Variants in RAPGEF2 observed in about 807,000 individuals in gnomAD.
RAPGEF2 encodes the protein Rap guanine nucleotide exchange factor 2.
A neutral mutation model predicts 186.7 loss-of-function variants in RAPGEF2; 54 were observed. The ratio of observed to expected loss-of-function variants is 0.29; its 90% CI spans 0.23 to 0.36. RAPGEF2 has a LOEUF of 0.36. RAPGEF2 is among the 10% of genes least tolerant of loss of function. The probability of loss-of-function intolerance (pLI) is 1.00; values close to 1 mark genes in which losing one functional copy is unlikely to be tolerated. For missense variants in RAPGEF2, 1,532 were observed against 2,045.0 expected (o/e 0.75, Z 4.84); for synonymous variants, 712 against 705.9 (o/e 1.01, Z -0.14).
chr4:159,161,748 A>G (rs1579339105), intron 1 of RAPGEF2, among the ~76,000 whole-genome samples: 1 of 152,294 alleles, frequency 6.6e-6, no homozygotes, highest in East Asian at 1.9e-4. Flanking sequence ...TTGTGATGGC[A>G]GTTATGATAG....
intron 1 of RAPGEF2, among the ~76,000 whole-genome samples, chr4:159,147,562 T>C (rs1307340175): frequency 1.3e-5 from 2 of 152,200 alleles, no homozygotes; most frequent in African/African-American, 2.4e-5. Context: ...TTATAATGAA[T>C]AGCTTGATAG....
chr4:159,289,701 T>C (rs978156843), intron 7 of RAPGEF2, among the ~76,000 whole-genome samples: 1 of 152,178 alleles, frequency 6.6e-6, no homozygotes, highest in Non-Finnish European at 1.5e-5. Context: ...CAGCAGCTAC[T>C]GTAAAGGTAT....
chr4:159,166,657 T>C (rs184033203), intron 1 of RAPGEF2, among the ~76,000 whole-genome samples: 150 of 152,244 alleles, frequency 9.9e-4, no homozygotes, highest in Non-Finnish European at 4.0e-4. Flanking sequence ...ATGGTCCCTG[T>C]ATGGGAGCAA....
intron 4 of RAPGEF2, among the ~76,000 whole-genome samples, chr4:159,219,399 A>G (rs1208440624): frequency 1.7e-5 from 2 of 119,034 alleles, no homozygotes; most frequent in Non-Finnish European, 3.2e-5. Context: ...TCTGTTGCTC[A>G]GGCTGGAGTG....
chr4:159,203,939 G>A (rs545622407), intron 3 of RAPGEF2, among the ~76,000 whole-genome samples: 52 of 152,328 alleles, frequency 3.4e-4, no homozygotes, highest in African/African-American at 1.1e-3. Context: ...CGTGGCTAGC[G>A]TGGAAGAAGG....
At chr4:159,231,849 CCTGT>C (rs1752680160) in intron 4 of RAPGEF2, among the ~76,000 whole-genome samples, 1 of 152,142 alleles carries the variant, frequency 6.6e-6, no homozygotes. Flanking sequence ...GGATACTCGA[CCTGT>C]CTTTCAGTCA....
At chr4:159,267,977 C>T (rs1164234145) in intron 7 of RAPGEF2, 1 of 1,402,908 alleles carries the variant, frequency 7.1e-7, no homozygotes, top group Non-Finnish European at 9.2e-7. Context: ...CTTTTCTGGT[C>T]TACAAGTGTG....
intron 7 of RAPGEF2, among the ~76,000 whole-genome samples, chr4:159,261,305 G>A (rs182586115): frequency 1.6e-3 from 234 of 148,168 alleles, no homozygotes; most frequent in African/African-American, 4.7e-3. Context: ...CTTGTGATTC[G>A]CCCACCTTGA....
chr4:159,180,364 A>C (rs1333029985), intron 1 of RAPGEF2, among the ~76,000 whole-genome samples: 1 of 152,066 alleles, frequency 6.6e-6, no homozygotes, highest in African/African-American at 2.4e-5. Flanking sequence ...ACCCAAATCC[A>C]CGTTGGTCAA....
chr4:159,322,526 AT>A (rs1350360320), intron 10 of RAPGEF2, 43 bp downstream of exon 10: 4 of 1,561,408 alleles, frequency 2.6e-6, no homozygotes, highest in Non-Finnish European at 3.5e-6. Flanking sequence ...CTTCTTAAAG[AT>A]ATCTCAATAC....
At chr4:159,297,251 A>G (rs972307096) in intron 7 of RAPGEF2, among the ~76,000 whole-genome samples, 4 of 152,148 alleles carry the variant, frequency 2.6e-5, no homozygotes, top group African/African-American at 7.2e-5. Flanking sequence ...CCAACCCCCA[A>G]AAAAACACAC....
rs1765346247 is a variant in RAPGEF2, at chr4:159,322,422, C to T, written c.929C>T (p.Ala310Val). 1 of 1,613,792 alleles carries T rather than the reference C, an allele frequency of 6.2e-7. No homozygotes were observed. The highest frequency in any genetic ancestry group is 1.1e-5 in the South Asian group (1 of 91,066). Reference protein sequence around the residue: ...MTMSVRRELCAVMVFAVVERA... With the variant: ...MTMSVRRELCVVMVFAVVERA... ...ATGTCAGTGAGGCGAGAACTCTGTG[C>T]TGTGATGGTGTTCGCAGTGGTGGAA... The change falls in exon 10 of 30, where the codon GCT (alanine) becomes GTT (valine). Residue 310 changes from alanine (A) to valine (V), a missense_variant. Transcript: ENST00000691494.
rs1252997264 is a variant in RAPGEF2 at position 159,350,307 on chromosome 4, T to C, written c.3865+18T>C. 2.6e-6 allele frequency: 4 copies of C among 1,529,242 alleles called. No individual in the cohort carries two copies. 94.7% of individuals were successfully genotyped at this position (1,529,242 alleles called of 1,614,324 possible). ...AAGGAAAGGTAGAATTAAATTACTT[T>C]TTGTTTTCTTGTATTGAAACCTATA... On this transcript the variant is annotated intron_variant, in intron 26 of 29. Transcript: ENST00000691494.
chr4:159,112,212 T>TG (rs1187673666), intron 1 of RAPGEF2, among the ~76,000 whole-genome samples: 1 of 152,120 alleles, frequency 6.6e-6, no homozygotes, highest in East Asian at 1.9e-4. Flanking sequence ...GTCTGAGGAT[T>TG]GGGGGGTTGG....
intron 7 of RAPGEF2, among the ~76,000 whole-genome samples, chr4:159,293,931 A>G (rs1291331661): frequency 1.3e-5 from 2 of 152,172 alleles, no homozygotes; most frequent in African/African-American, 2.4e-5. Flanking sequence ...TGGCGTACTC[A>G]CTTCTAACTG....
intron 3 of RAPGEF2, among the ~76,000 whole-genome samples, chr4:159,200,017 C>T (rs188603449): frequency 2.3e-4 from 35 of 152,112 alleles, no homozygotes; most frequent in Non-Finnish European, 3.7e-4. Flanking sequence ...TCTTTACCCT[C>T]AGTTTAGCTG....
intron 11 of RAPGEF2, chr4:159,329,514 CA>C (rs1478135397): frequency 6.4e-6 from 1 of 156,416 alleles, no homozygotes; most frequent in African/African-American, 2.4e-5. Flanking sequence ...TAAGTTTTTA[CA>C]TCTATTCTCC....
chr4:159,278,664 C>T (rs1296207628), intron 7 of RAPGEF2, among the ~76,000 whole-genome samples: 1 of 152,162 alleles, frequency 6.6e-6, no homozygotes, highest in Admixed American at 6.5e-5. Context: ...AGAGCTGTAG[C>T]ATTGTGGTCA....
rs79938141 is a variant in RAPGEF2, at chr4:159,289,010, C to T, written c.544-15332C>T. 8.3e-3 allele frequency among the ~76,000 whole-genome samples: 1,259 copies of T among 152,248 alleles called. 15 individuals are homozygous for T. Among genetic ancestry groups the T allele is most frequent in the African/African-American group, 0.028 (1,176 of 41,552 alleles). ...CAGCCATCACCATCTATTACATGCT[C>T]TTCTTGTGGTATTGTCTCTACAGTA... On this transcript the variant is annotated intron_variant, in intron 7 of 29. Coordinates refer to ENST00000691494, the MANE Select transcript of RAPGEF2 (RefSeq NM_001394067.2).
Sources: gnomAD v4.1 joint callset for allele counts (sites outside exome capture counted in the v4.1 genomes callset) on GRCh38, gnomAD v4.1.1 for gene constraint, MANE v1.5 for transcripts, NCBI Gene and HGNC (gene_info 2026-07-23, HGNC 2026-07-21) for gene names.